CCDC91: variants seen among roughly 807,000 people sequenced by gnomAD.
CCDC91 encodes coiled-coil domain containing 91.
In CCDC91, 48 loss-of-function variants were observed where a neutral mutation model predicts 63.2. That is an observed-to-expected ratio of 0.76 (90% CI 0.60 to 0.97). The LOEUF (loss-of-function observed/expected upper bound fraction) is 0.97, where lower values mean the gene tolerates loss of function less well. Among genes scored for constraint, CCDC91 ranks in the 50% least tolerant of loss-of-function variants. The pLI is 0.00. For missense variants in CCDC91, 500 were observed against 494.6 expected (o/e 1.01, Z -0.10); for synonymous variants, 167 against 165.8 (o/e 1.01, Z -0.06).
intron 1 of CCDC91, among the ~76,000 whole-genome samples, chr12:28,200,902 G>A (rs557403535): frequency 1.3e-5 from 2 of 151,428 alleles, no homozygotes; most frequent in Admixed American, 1.3e-4. Context: ...CCGGGCGGGG[G>A]GCTGACCCCG....
At chr12:28,463,175 G>T (rs1426754807) in intron 11 of CCDC91, among the ~76,000 whole-genome samples, 1 of 152,082 alleles carries the variant, frequency 6.6e-6, no homozygotes, top group Non-Finnish European at 1.5e-5. Context: ...ATTTGAGATC[G>T]AGTGAAATAT....
intron 8 of CCDC91, among the ~76,000 whole-genome samples, chr12:28,418,780 G>A (rs1432868574): frequency 2.6e-5 from 4 of 152,088 alleles, no homozygotes; most frequent in Admixed American, 1.3e-4. Context: ...AGTTTTGGTT[G>A]TTATTATATG....
rs572048698 is a variant in CCDC91 at position 28,258,694 on chromosome 12, G to A, written c.31-670G>A. Among the ~76,000 whole-genome samples the A allele has an allele frequency of 2.8e-4, 43 of 151,948 alleles. 1 individual carries two copies. In the South Asian group the frequency reaches 4.2e-3, roughly 15 times the overall value. ...TTACCCCTTTTAACTTCTCCTTAAG[G>A]GGTTGGCAACTCAGTGGAGAATACA... is the stretch of plus-strand genomic sequence containing the variant. On this transcript the variant is annotated intron_variant, in intron 2 of 12. Transcript: ENST00000536442.
chr12:28,284,224 T>C (rs1388530871), intron 3 of CCDC91, among the ~76,000 whole-genome samples: 1 of 152,232 alleles, frequency 6.6e-6, no homozygotes, highest in Admixed American at 6.5e-5. Flanking sequence ...AACTTTGTTT[T>C]CTTGCTAAAA....
Position 28,549,200 on chromosome 12 carries a change from A to G in CCDC91, c.*27A>G, listed in dbSNP as rs753625805. 4.9e-6 allele frequency: 6 copies of G among 1,231,914 alleles called. No individual in the cohort carries two copies. In the East Asian group the frequency reaches 1.4e-4, roughly 29 times the overall value. 76.3% of individuals were successfully genotyped at this position (1,231,914 alleles called of 1,614,324 possible). A position where few individuals can be genotyped will look rare whatever the true frequency, so the allele number is the denominator to read the frequency against. Reference sequence around the variant, plus strand: ...AAGAACATGACAAACCCACACTGGCATTGGATAAATCATATTACACCTTCA... The same window carrying G: ...AAGAACATGACAAACCCACACTGGCGTTGGATAAATCATATTACACCTTCA... On this transcript the variant is annotated 3_prime_UTR_variant, in exon 13 of 13. Transcript: ENST00000536442.
intron 8 of CCDC91, among the ~76,000 whole-genome samples, chr12:28,402,587 C>CAAAAA (rs34654808): frequency 2.0e-5 from 2 of 99,360 alleles, no homozygotes; most frequent in African/African-American, 7.8e-5. Context: ...ATGTCATCTG[C>CAAAAA]AAAAAAAAAA....
rs559425416 is a variant in CCDC91, at chr12:28,209,917, A to G, written c.-15+19276A>G. The stretch of plus-strand genomic sequence containing the variant: ...CCTATTTTTTTCAGTAGTCTCAATT[A>G]TATGTTAAAATGGTAATTCTTAGCA... On this transcript the variant is annotated intron_variant, in intron 1 of 12. Coordinates refer to ENST00000536442, the MANE Select transcript of CCDC91 (RefSeq NM_018318.5). 2.6e-5 allele frequency among the ~76,000 whole-genome samples: 4 copies of G among 152,258 alleles called. No individual in the cohort carries two copies. The South Asian group carries it at 8.3e-4, about 32-fold the overall frequency.
At chr12:28,513,472 G>A (rs1394308210) in intron 12 of CCDC91, among the ~76,000 whole-genome samples, 2 of 151,788 alleles carry the variant, frequency 1.3e-5, no homozygotes, top group East Asian at 3.9e-4. Context: ...GAATCCTCAT[G>A]GGGATATTTT....
At chr12:28,446,030 C>A (rs1359138815) in intron 8 of CCDC91, among the ~76,000 whole-genome samples, 2 of 150,760 alleles carry the variant, frequency 1.3e-5, no homozygotes, top group Non-Finnish European at 3.0e-5. Context: ...AGCAGATAAT[C>A]TCTGAACTCA....
chr12:28,538,116 AG>A (rs1942326403), intron 12 of CCDC91, among the ~76,000 whole-genome samples: 1 of 105,058 alleles, frequency 9.5e-6, no homozygotes, highest in Non-Finnish European at 2.2e-5. Context: ...TTTTATTTTT[AG>A]GGTTTTTTTT....
intron 12 of CCDC91, among the ~76,000 whole-genome samples, chr12:28,509,960 A>G (rs972725366): frequency 2.6e-5 from 4 of 151,898 alleles, no homozygotes. Context: ...TGCATGCTCT[A>G]GTAATGCATC....
chr12:28,204,250 C>T (rs570285198), intron 1 of CCDC91, among the ~76,000 whole-genome samples: 5 of 152,174 alleles, frequency 3.3e-5, no homozygotes, highest in South Asian at 2.1e-4. Flanking sequence ...CGGGTTCTTA[C>T]GATATGAATA....
intron 3 of CCDC91, among the ~76,000 whole-genome samples, chr12:28,295,872 C>G (rs1345821475): frequency 6.6e-6 from 1 of 151,862 alleles, no homozygotes; most frequent in African/African-American, 2.4e-5. Context: ...TCTTGCACTT[C>G]AGAAATTGCT....
intron 11 of CCDC91, among the ~76,000 whole-genome samples, chr12:28,478,587 G>T (rs1951254276): frequency 6.6e-6 from 1 of 152,096 alleles, no homozygotes; most frequent in African/African-American, 2.4e-5. Flanking sequence ...GAAAGCAATG[G>T]CAACAAAAGC....
At chr12:28,246,389 T>C (rs1192874305) in intron 1 of CCDC91, among the ~76,000 whole-genome samples, 2 of 152,164 alleles carry the variant, frequency 1.3e-5, no homozygotes, top group African/African-American at 2.4e-5. Context: ...TTCTCTATTA[T>C]TTGTTGTATA....
intron 11 of CCDC91, among the ~76,000 whole-genome samples, chr12:28,455,103 T>C (rs1949997460): frequency 6.6e-6 from 1 of 152,078 alleles, no homozygotes; most frequent in Non-Finnish European, 1.5e-5. Context: ...AAAATTATGC[T>C]AGTTGTAAAA....
intron 6 of CCDC91, among the ~76,000 whole-genome samples, chr12:28,322,618 T>TA (rs2137460658): frequency 6.6e-6 from 1 of 151,930 alleles, no homozygotes; most frequent in East Asian, 1.9e-4. Context: ...TTCTCTGTCA[T>TA]ACAAATTTTT....
intron 8 of CCDC91, among the ~76,000 whole-genome samples, chr12:28,394,266 A>T (rs564801232): frequency 6.6e-6 from 1 of 152,254 alleles, no homozygotes; most frequent in Non-Finnish European, 1.5e-5. Flanking sequence ...GAAGATTGAG[A>T]CCATCCTGGC....
intron 12 of CCDC91, among the ~76,000 whole-genome samples, chr12:28,488,584 C>T (rs1951842354): frequency 6.6e-6 from 1 of 151,624 alleles, no homozygotes; most frequent in African/African-American, 2.4e-5. Flanking sequence ...AAAAAAGGAT[C>T]CTTACATTGA....
Sources: allele counts gnomAD v4.1 joint callset (sites outside exome capture counted in the v4.1 genomes callset), GRCh38; gene constraint gnomAD v4.1.1; transcripts MANE v1.5; gene names NCBI Gene and HGNC (gene_info 2026-07-23, HGNC 2026-07-21).